Variants in NDE1 observed in about 807,000 individuals in gnomAD.
NDE1 encodes the protein nudE neurodevelopment protein 1.
A neutral mutation model predicts 43.4 loss-of-function variants in NDE1; 28 were observed. That is an observed-to-expected ratio of 0.65 (90% CI 0.48 to 0.89). The LOEUF (loss-of-function observed/expected upper bound fraction) is 0.89, where lower values mean the gene tolerates loss of function less well. Among genes scored for constraint, NDE1 ranks in the 40% least tolerant of loss-of-function variants. The pLI is 0.00. For synonymous variants in NDE1, 184 were observed against 172.0 expected (o/e 1.07, Z -0.55); for missense variants, 441 against 434.1 (o/e 1.02, Z -0.14).
In NDE1 at chr16:15,718,435, G is replaced by A. The variant is rs753293134; in HGVS notation, c.948-5756G>A. The A allele has an allele frequency of 1.3e-5, 21 of 1,563,454 alleles. No individual in the cohort carries two copies. Among genetic ancestry groups the A allele is most frequent in the South Asian group, 4.6e-5 (4 of 87,794 alleles). On this transcript the variant is annotated intron_variant, in intron 8 of 8. Coordinates refer to ENST00000396354, the MANE Select transcript of NDE1 (RefSeq NM_017668.3). ...GGCGGCGCTTCTCGTCCTGGAGTGC[G>A]TTCCTGGGGGAAGGGCGGCCATGGT...
At chr16:15,646,791 C>T (rs1267352668), upstream of NDE1, among the ~76,000 whole-genome samples, 4 of 151,142 alleles carry the variant, frequency 2.6e-5, no homozygotes. Flanking sequence ...TGGCTCATGC[C>T]TGTAATCCCA....
intron 3 of NDE1, among the ~76,000 whole-genome samples, chr16:15,677,311 C>T (rs1596589287): frequency 6.6e-6 from 1 of 152,162 alleles, no homozygotes; most frequent in Non-Finnish European, 1.5e-5. Context: ...AGGCCAGGTG[C>T]AGTGGCTCAC....
chr16:15,694,811 A>G (rs2038931570), intron 7 of NDE1: 2 of 985,244 alleles, frequency 2.0e-6, no homozygotes, highest in South Asian at 4.7e-5. Flanking sequence ...TTTTTCCTCT[A>G]GGAAATTTGG....
Position 15,718,335 on chromosome 16 carries a change from C to T in NDE1, c.948-5856C>T, listed in dbSNP as rs138059405. On this transcript the variant is annotated intron_variant, in intron 8 of 8. Transcript: ENST00000396354. ...CTCACCTGCTGTGTGGCTTTGCGGA[C>T]CCGGTCGCTCATGGCCTCCATGTTG... 6.2e-4 allele frequency: 995 copies of T among 1,609,050 alleles called. 1 individual carries two copies. Among genetic ancestry groups the T allele is most frequent in the Non-Finnish European group, 8.0e-4 (941 of 1,179,954 alleles).
chr16:15,662,745 AT>A (rs34328547), intron 1 of NDE1, among the ~76,000 whole-genome samples: 4,454 of 151,824 alleles, frequency 0.029, 90 homozygotes, highest in Non-Finnish European at 0.046. Context: ...GCTGGCTGAT[AT>A]TTTTCTATTT....
chr16:15,713,261 T>C (rs947385414), intron 8 of NDE1: 3 of 151,754 alleles, frequency 2.0e-5, no homozygotes, highest in Admixed American at 6.6e-5. Context: ...GGAAAAAAAA[T>C]AGAAGTGTAC....
intron 8 of NDE1, among the ~76,000 whole-genome samples, chr16:15,704,364 TGGA>T (rs1466241519): frequency 6.6e-6 from 1 of 151,806 alleles, no homozygotes; most frequent in Non-Finnish European, 1.5e-5. Context: ...CGGGGGTGGG[TGGA>T]GAAGGTTTTT....
intron 6 of NDE1, among the ~76,000 whole-genome samples, chr16:15,693,843 G>A (rs570527010): frequency 6.6e-6 from 1 of 152,278 alleles, no homozygotes; most frequent in African/African-American, 2.4e-5. Context: ...AAGAGGCCAA[G>A]GCAGGAGAAT....
intron 4 of NDE1, chr16:15,686,841 A>C (rs116216802): frequency 2.4e-6 from 1 of 408,756 alleles, no homozygotes; most frequent in Admixed American, 6.4e-5. Context: ...CTGGGATTAC[A>C]CTACAACTGG....
chr16:15,690,386 C>T, intron 5 of NDE1, among the ~76,000 whole-genome samples: 2 of 74,470 alleles, frequency 2.7e-5, no homozygotes, highest in Non-Finnish European at 4.8e-5. Context: ...TTTTTTGAGC[C>T]AGAGGTCTCA....
intron 8 of NDE1, chr16:15,712,882 G>GTTTTTTTTTTGTTTTTTTTTTT (rs2039888905): frequency 1.1e-5 from 1 of 90,636 alleles, no homozygotes. Flanking sequence ...TTCACATACA[G>GTTTTTTTTTTGTTTTTTTTTTT]TTTTTTTTTT....
intron 8 of NDE1, among the ~76,000 whole-genome samples, chr16:15,707,344 A>G (rs1287562113): frequency 3.9e-5 from 6 of 152,188 alleles, no homozygotes; most frequent in East Asian, 3.9e-4. Flanking sequence ...TTTGGATTCT[A>G]TTCGTGGACT....
chr16:15,715,176 C>T (rs2040056033), intron 8 of NDE1: 1 of 1,613,660 alleles, frequency 6.2e-7, no homozygotes, highest in Admixed American at 1.7e-5. Flanking sequence ...GCTCCTTGTA[C>T]TGCTCGGCCA....
intron 8 of NDE1, chr16:15,697,093 G>T: frequency 2.0e-6 from 2 of 978,804 alleles, no homozygotes; most frequent in South Asian, 9.5e-5. Flanking sequence ...CTGTCACCTA[G>T]GCTAGAATAC....
intron 4 of NDE1, among the ~76,000 whole-genome samples, chr16:15,680,106 G>A (rs543505844): frequency 6.6e-6 from 1 of 152,122 alleles, no homozygotes; most frequent in Non-Finnish European, 1.5e-5. Flanking sequence ...TTATGTTCTT[G>A]ATTTATTTGG....
intron 1 of NDE1, among the ~76,000 whole-genome samples, chr16:15,650,963 T>C (rs1052030268): frequency 6.6e-6 from 1 of 152,202 alleles, no homozygotes; most frequent in Non-Finnish European, 1.5e-5. Context: ...AGGTTTCTTC[T>C]GACAGCACTT....
At chr16:15,656,729 TG>T (rs1413071674) in intron 1 of NDE1, among the ~76,000 whole-genome samples, 3 of 151,952 alleles carry the variant, frequency 2.0e-5, no homozygotes, top group Admixed American at 1.3e-4. Flanking sequence ...TTAGCAGAGA[TG>T]GGGTTTTACC....
intron 3 of NDE1, among the ~76,000 whole-genome samples, chr16:15,675,991 A>T (rs1347604177): frequency 6.6e-6 from 1 of 152,066 alleles, no homozygotes; most frequent in South Asian, 2.1e-4. Flanking sequence ...CTTAGCCTGG[A>T]GGTGGCACAG....
At chr16:15,691,467 G>A (rs2038750360) in intron 6 of NDE1, 144 bp downstream of exon 6, 1 of 956,984 alleles carries the variant, frequency 1.0e-6, no homozygotes, top group Non-Finnish European at 1.6e-6. Context: ...AGTAGACTGG[G>A]ATGTTCTTGG....
Sources: allele counts gnomAD v4.1 joint callset (sites outside exome capture counted in the v4.1 genomes callset), GRCh38; gene constraint gnomAD v4.1.1; transcripts MANE v1.5; gene names NCBI Gene and HGNC (gene_info 2026-07-23, HGNC 2026-07-21).